SNTG2: variants seen among roughly 807,000 people sequenced by gnomAD.
SNTG2 encodes the protein syntrophin gamma 2, also known as gamma-2-syntrophin.
A neutral mutation model predicts 70.9 loss-of-function variants in SNTG2; 74 were observed. That is an observed-to-expected ratio of 1.04 (90% CI 0.86 to 1.27). SNTG2 has a LOEUF of 1.27. Ranked by LOEUF, SNTG2 falls within the 50% of genes most tolerant of loss-of-function variation. The pLI is 0.00. For synonymous variants in SNTG2, 278 were observed against 273.8 expected, an observed-to-expected ratio of 1.02 and a Z score of -0.15; for missense variants, 717 against 690.7, an observed-to-expected ratio of 1.04 and a Z score of -0.43.
intron 1 of SNTG2, among the ~76,000 whole-genome samples, chr2:1,068,728 C>T (rs1052849243): frequency 6.6e-6 from 1 of 152,134 alleles, no homozygotes; most frequent in Non-Finnish European, 1.5e-5. Context: ...ACTGAAGAAA[C>T]ACATAGCACA....
chr2:1,121,465 A>T (rs75903269), intron 4 of SNTG2, among the ~76,000 whole-genome samples: 20,953 of 148,744 alleles, frequency 0.14, 1,462 homozygotes, highest in Admixed American at 0.16. Flanking sequence ...AATTGTTTTT[A>T]AAAAAAAATA....
chr2:1,080,895 C>T lies in SNTG2; in HGVS notation c.73-2623C>T, dbSNP rs547598014. On this transcript the variant is annotated intron_variant, in intron 1 of 16. Coordinates refer to ENST00000308624, the MANE Select transcript of SNTG2 (RefSeq NM_018968.4). Reference sequence around the variant, plus strand: ...GGTGGCCTAGGTCAACAATTAAGGACATACTTCTGAGCTCCATTCTGCAGG... The same window carrying T: ...GGTGGCCTAGGTCAACAATTAAGGATATACTTCTGAGCTCCATTCTGCAGG... Among the ~76,000 whole-genome samples the T allele has an allele frequency of 3.3e-5, 5 of 152,236 alleles. No homozygotes were observed. In the East Asian group the frequency reaches 9.6e-4, roughly 29 times the overall value.
At chr2:1,109,746 ATAAT>A (rs1182268214) in intron 4 of SNTG2, among the ~76,000 whole-genome samples, 1 of 152,206 alleles carries the variant, frequency 6.6e-6, no homozygotes, top group African/African-American at 2.4e-5. Flanking sequence ...AATTTAATAA[ATAAT>A]AATGCTTCGT....
intron 14 of SNTG2, among the ~76,000 whole-genome samples, chr2:1,295,496 G>A (rs1042237621): frequency 3.9e-5 from 6 of 152,206 alleles, no homozygotes; most frequent in Admixed American, 1.3e-4. Flanking sequence ...CAGAGAAAGT[G>A]TAGCCCAGAA....
intron 6 of SNTG2, among the ~76,000 whole-genome samples, chr2:1,159,766 G>T (rs1670151838): frequency 6.6e-6 from 1 of 152,138 alleles, no homozygotes; most frequent in African/African-American, 2.4e-5. Context: ...TAGAGGACAA[G>T]TCAGAGAAAA....
In SNTG2 at chr2:1,134,452, G is replaced by A. The variant is rs367857173; in HGVS notation, c.326-3170G>A. 2.4e-4 allele frequency among the ~76,000 whole-genome samples: 32 copies of A among 134,706 alleles called. 1 individual carries two copies. The highest frequency in any genetic ancestry group is 6.0e-4 in the African/African-American group (24 of 40,216). 88.4% of individuals were successfully genotyped at this position (134,706 alleles called of 152,430 possible). ...CTAGATTAGCTAGATACAGAGTGTC[G>A]ACACAAAGGTTCTCCAAGTCTCCAT... is the stretch of plus-strand genomic sequence containing the variant. On this transcript the variant is annotated intron_variant, in intron 4 of 16. Transcript: ENST00000308624.
intron 6 of SNTG2, among the ~76,000 whole-genome samples, chr2:1,165,070 A>T (rs1230478933): frequency 1.3e-5 from 2 of 152,266 alleles, no homozygotes; most frequent in Non-Finnish European, 2.9e-5. Context: ...ACTCCAGCAC[A>T]GAGCTAAGTT....
At chr2:1,270,054 C>T (rs1323723699) in intron 14 of SNTG2, among the ~76,000 whole-genome samples, 1 of 152,152 alleles carries the variant, frequency 6.6e-6, no homozygotes, top group Non-Finnish European at 1.5e-5. Context: ...TGGATGCTTC[C>T]TTGTGCAGGG....
chr2:960,391 G>A (rs992372361), intron 1 of SNTG2, among the ~76,000 whole-genome samples: 1 of 152,208 alleles, frequency 6.6e-6, no homozygotes, highest in Non-Finnish European at 1.5e-5. Context: ...TTCAGTGCAC[G>A]ATGCTTTTCA....
At chr2:1,021,511 A>G (rs1186231957) in intron 1 of SNTG2, among the ~76,000 whole-genome samples, 1 of 152,166 alleles carries the variant, frequency 6.6e-6, no homozygotes, top group South Asian at 2.1e-4. Context: ...TCAAGCAAAT[A>G]TATTTTAAAA....
chr2:1,351,614 G>A (rs188365127), intron 16 of SNTG2, among the ~76,000 whole-genome samples: 53 of 149,378 alleles, frequency 3.5e-4, no homozygotes, highest in Middle Eastern at 3.4e-3. Flanking sequence ...TGTGAACGGA[G>A]TCCTCTGTTG....
intron 7 of SNTG2, among the ~76,000 whole-genome samples, chr2:1,165,961 C>T (rs79919454): frequency 0.034 from 5,179 of 152,092 alleles, 292 homozygotes; most frequent in African/African-American, 0.12. Context: ...AAAGTTTACA[C>T]GTAAAATACC....
chr2:1,068,391 C>A (rs1572352659), intron 1 of SNTG2: 1 of 152,168 alleles, frequency 6.6e-6, no homozygotes, highest in Non-Finnish European at 1.5e-5. Context: ...CAAATTAACA[C>A]GGTTTCCACA....
At chr2:1,109,811 A>G (rs1042382597) in intron 4 of SNTG2, among the ~76,000 whole-genome samples, 1 of 152,254 alleles carries the variant, frequency 6.6e-6, no homozygotes, top group Non-Finnish European at 1.5e-5. Context: ...TTTGATGTGT[A>G]TATTCGGGAG....
At chr2:988,375 C>T (rs1488307650) in intron 1 of SNTG2, among the ~76,000 whole-genome samples, 1 of 152,212 alleles carries the variant, frequency 6.6e-6, no homozygotes, top group Non-Finnish European at 1.5e-5. Context: ...TTCTGTGTCC[C>T]TAGAGTTGTT....
At chr2:1,205,173 C>T (rs1168130210) in intron 8 of SNTG2, among the ~76,000 whole-genome samples, 1 of 152,112 alleles carries the variant, frequency 6.6e-6, no homozygotes, top group Non-Finnish European at 1.5e-5. Context: ...TGTGTCCATA[C>T]ATACATGCCT....
chr2:1,254,811 G>A (rs532570794), intron 12 of SNTG2, among the ~76,000 whole-genome samples: 18 of 152,246 alleles, frequency 1.2e-4, no homozygotes, highest in African/African-American at 4.3e-4. Flanking sequence ...TCTACCATCC[G>A]TTACGTCTCT....
chr2:968,832 A>G (rs1482086552), intron 1 of SNTG2, among the ~76,000 whole-genome samples: 2 of 151,896 alleles, frequency 1.3e-5, no homozygotes, highest in Admixed American at 6.6e-5. Context: ...TTTTTACTCT[A>G]TTGATAAGTT....
chr2:1,203,380 G>A (rs925747757), intron 8 of SNTG2, among the ~76,000 whole-genome samples: 1 of 151,850 alleles, frequency 6.6e-6, no homozygotes, highest in Non-Finnish European at 1.5e-5. Context: ...TACACAGGCC[G>A]GGCACAGTGG....
Sources: gnomAD v4.1 joint callset for allele counts (sites outside exome capture counted in the v4.1 genomes callset) on GRCh38, gnomAD v4.1.1 for gene constraint, MANE v1.5 for transcripts, NCBI Gene and HGNC (gene_info 2026-07-23, HGNC 2026-07-21) for gene names.